PRCD: variants seen among roughly 807,000 people sequenced by gnomAD.
The protein encoded by PRCD is photoreceptor disk component PRCD.
In PRCD, 12 loss-of-function variants were observed where a neutral mutation model predicts 10.1. That is an observed-to-expected ratio of 1.18 (90% confidence interval 0.76 to 1.92). The LOEUF (loss-of-function observed/expected upper bound fraction) is 1.92, where lower values mean the gene tolerates loss of function less well. Ranked by LOEUF, PRCD falls within the 40% of genes most tolerant of loss-of-function variation. The probability of loss-of-function intolerance (pLI) is 0.00; values close to 1 mark genes in which losing one functional copy is unlikely to be tolerated. For synonymous variants in PRCD, 31 were observed against 26.2 expected, an observed-to-expected ratio of 1.18 and a Z score of -0.56; for missense variants, 61 against 72.2, an observed-to-expected ratio of 0.84 and a Z score of 0.56.
In PRCD at chr17:76,530,149, G is replaced by A. The variant is rs978843702; in HGVS notation, n.45+2316G>A. 132 of 944,648 alleles carry A rather than the reference G, an allele frequency of 1.4e-4. No individual in the cohort carries two copies. Among genetic ancestry groups the A allele is most frequent in the Non-Finnish European group, 1.6e-4 (125 of 792,772 alleles). The allele number at this position is 944,648 out of a possible 1,614,324, so 58.5% of individuals were successfully genotyped here. A position where few individuals can be genotyped will look rare whatever the true frequency, so the allele number is the denominator to read the frequency against. On this transcript the variant is annotated intron_variant and non_coding_transcript_variant, in intron 1 of 4. Transcript: ENST00000397633. The surrounding 1 kb of genome is among the most constrained non-coding windows in gnomAD (Gnocchi z 6.1). ...AATGTTTCTCTACCACGCGTGTCCC[G>A]GGCTGCTGGCTGACCTCTGCTTCCC...
intron 1 of PRCD, among the ~76,000 whole-genome samples, chr17:76,532,780 G>C (rs531036520): frequency 6.6e-6 from 1 of 151,724 alleles, no homozygotes; most frequent in Non-Finnish European, 1.5e-5. Context: ...CAGGCGATCC[G>C]CCTGCCTCAG....
At position 76,531,499 on chromosome 17, in the gene PRCD, G is replaced by A. The variant is rs1266724535; in HGVS notation, n.45+3666G>A. 6.2e-7 allele frequency: 1 copy of A among 1,613,278 alleles called. No homozygotes were observed. Among genetic ancestry groups the A allele is most frequent in the Non-Finnish European group, 8.5e-7 (1 of 1,179,238 alleles). On this transcript the variant is annotated intron_variant and non_coding_transcript_variant, in intron 1 of 4. Transcript: ENST00000397633. The surrounding 1 kb of genome is among the most constrained non-coding windows in gnomAD (Gnocchi z 7.4). ...GTTCCACCTTGTGCTTGAGGGCGTG[G>A]GCTTTCCCCACAAGGGCGAGCACAG... is the stretch of plus-strand genomic sequence containing the variant.
chr17:76,532,530 C>CT (rs111936272), intron 1 of PRCD, among the ~76,000 whole-genome samples: 20,167 of 125,698 alleles, frequency 0.16, 2,260 homozygotes, highest in East Asian at 0.31. Context: ...ATGACAATGG[C>CT]TTTTTTTTTT....
chr17:76,531,116 C>T lies in PRCD; in HGVS notation n.45+3283C>T. 6.2e-7 allele frequency: 1 copy of T among 1,613,802 alleles called. No individual in the cohort carries two copies. Among genetic ancestry groups the T allele is most frequent in the South Asian group, 1.1e-5 (1 of 91,088 alleles). ...AGTCACTGGCAAATTCCTCGGCGACCACCTCCAGAATGACCCCAGAGAGGA... is the reference window on the plus strand; with the variant it reads ...AGTCACTGGCAAATTCCTCGGCGACTACCTCCAGAATGACCCCAGAGAGGA... On this transcript the variant is annotated intron_variant and non_coding_transcript_variant, in intron 1 of 4. Coordinates refer to the PRCD transcript ENST00000397633. The surrounding 1 kb of genome is among the most constrained non-coding windows in gnomAD (Gnocchi z 7.4).
exon 2 of PRCD, chr17:76,553,491 T>C (rs1283072737): frequency 6.6e-6 from 1 of 152,382 alleles, no homozygotes; most frequent in Non-Finnish European, 1.5e-5. Context: ...CCGTTCCAAA[T>C]GTAAGCAGTT....
chr17:76,546,811 A>G (rs1320187971), downstream of PRCD: 3 of 152,190 alleles, frequency 2.0e-5, no homozygotes, highest in African/African-American at 7.2e-5. The surrounding 1 kb of genome is among the most constrained non-coding windows in gnomAD (Gnocchi z 4.5). Flanking sequence ...GCTGTATTTT[A>G]CGCACTGTTT....
At chr17:76,529,552 C>T (rs2074809808) in intron 1 of PRCD, 2 of 985,100 alleles carry the variant, frequency 2.0e-6, no homozygotes, top group South Asian at 9.4e-5. Context: ...TCTCTTGGCC[C>T]TTGTAAAAAA....
At position 76,533,700 on chromosome 17, in the gene PRCD, G is replaced by A. The variant is rs1270517385; in HGVS notation, n.45+5867G>A. 6.6e-6 allele frequency among the ~76,000 whole-genome samples: 1 copy of A among 152,058 alleles called. No individual in the cohort carries two copies. Among genetic ancestry groups the A allele is most frequent in the Admixed American group, 6.6e-5 (1 of 15,260 alleles). On this transcript the variant is annotated intron_variant and non_coding_transcript_variant, in intron 1 of 4. Coordinates refer to the PRCD transcript ENST00000397633. The surrounding 1 kb of genome is among the most constrained non-coding windows in gnomAD (Gnocchi z 4.5). Reference sequence around the variant, plus strand: ...ATTGTGCCATTGCACTCCAGCCTGGGTGACAGAGTGAGACCCTGAATCCAA... The same window carrying A: ...ATTGTGCCATTGCACTCCAGCCTGGATGACAGAGTGAGACCCTGAATCCAA...
rs777938956 is a variant in PRCD, at chr17:76,540,115, C to G, written c.-27C>G. 1 of 1,589,012 alleles carries G rather than the reference C, an allele frequency of 6.3e-7. No individual in the cohort carries two copies. The highest frequency in any genetic ancestry group is 1.8e-5 in the Admixed American group (1 of 56,304). ...CGCCTGTGGCCTTCTGCAGACTTGG[C>G]CTGGGAGGGGATGGGGCAGCTGCGC... On this transcript the variant is annotated 5_prime_UTR_variant, in exon 1 of 5. Transcript: ENST00000592014. The surrounding 1 kb of genome is among the most constrained non-coding windows in gnomAD (Gnocchi z 5.0).
downstream of PRCD, chr17:76,549,870 A>G (rs947077387): frequency 2.6e-5 from 4 of 152,278 alleles, no homozygotes; most frequent in Non-Finnish European, 5.9e-5. Flanking sequence ...TGATAGTGAC[A>G]GAAGGCATCA....
upstream of PRCD, among the ~76,000 whole-genome samples, chr17:76,535,781 G>A (rs1472653583): frequency 6.6e-6 from 1 of 152,208 alleles, no homozygotes; most frequent in Non-Finnish European, 1.5e-5. Context: ...CCCTACCCTG[G>A]TCCCCTTCCT....
chr17:76,530,967 C>T lies in PRCD; in HGVS notation n.45+3134C>T. ...GGGAGGCTGCCCAGCCCACCCTCGCCCGCCTCCTCACGTGGTGGCGTTGGG... is the reference window on the plus strand; with the variant it reads ...GGGAGGCTGCCCAGCCCACCCTCGCTCGCCTCCTCACGTGGTGGCGTTGGG... On this transcript the variant is annotated intron_variant and non_coding_transcript_variant, in intron 1 of 4. Transcript: ENST00000397633. The surrounding 1 kb of genome is among the most constrained non-coding windows in gnomAD (Gnocchi z 6.1). The T allele has an allele frequency of 6.4e-7, 1 of 1,574,142 alleles. No homozygotes were observed. The highest frequency in any genetic ancestry group is 8.6e-7 in the Non-Finnish European group (1 of 1,158,242).
chr17:76,548,119 TCA>T (rs778511751), downstream of PRCD, among the ~76,000 whole-genome samples: 5 of 149,924 alleles, frequency 3.3e-5, no homozygotes, highest in East Asian at 2.0e-4. Context: ...ACACACATAA[TCA>T]CAGATACACA....
intron 1 of PRCD, among the ~76,000 whole-genome samples, chr17:76,532,309 G>A (rs2074854524): frequency 1.3e-5 from 2 of 152,082 alleles, no homozygotes; most frequent in African/African-American, 4.8e-5. Flanking sequence ...AATGTTCCTC[G>A]GGTGAGCCAC....
In PRCD at chr17:76,528,542, G is replaced by A. The variant is rs1454095104; in HGVS notation, n.45+709G>A. On this transcript the variant is annotated intron_variant and non_coding_transcript_variant, in intron 1 of 4. Transcript: ENST00000397633. This position sits in a 1 kb window ranked among gnomAD's most constrained non-coding sequence, Gnocchi z 5.8. ...GTCTTCAGAACTCGGCCTTCTGCTC[G>A]AGGTGCTGCCAGGGAGGGGGGTGGA... The A allele has an allele frequency of 5.4e-6, 7 of 1,287,720 alleles. No individual in the cohort carries two copies. Among genetic ancestry groups the A allele is most frequent in the African/African-American group, 1.5e-5 (1 of 65,072 alleles). The allele number at this position is 1,287,720 out of a possible 1,614,324, so 79.8% of individuals were successfully genotyped here.
upstream of PRCD, chr17:76,537,606 G>T: frequency 9.5e-7 from 1 of 1,049,846 alleles, no homozygotes. Context: ...GGGGCGCGGG[G>T]CGCGGGGCGC....
At position 76,531,357 on chromosome 17, in the gene PRCD, G is replaced by T. The variant is rs1598202713; in HGVS notation, n.45+3524G>T. 1.8e-5 allele frequency: 26 copies of T among 1,418,072 alleles called. No homozygotes were observed. In the East Asian group the frequency reaches 5.7e-4, roughly 31 times the overall value. The allele number at this position is 1,418,072 out of a possible 1,614,324, so 87.8% of individuals were successfully genotyped here. A position where few individuals can be genotyped will look rare whatever the true frequency, so the allele number is the denominator to read the frequency against. Reference sequence around the variant, plus strand: ...GCCCCTCCCTCTCGCAGCCACTCCGGGGATCACCTCTGTTGCTCCAGAGAG... The same window carrying T: ...GCCCCTCCCTCTCGCAGCCACTCCGTGGATCACCTCTGTTGCTCCAGAGAG... On this transcript the variant is annotated intron_variant and non_coding_transcript_variant, in intron 1 of 4. Transcript: ENST00000397633. This position sits in a 1 kb window ranked among gnomAD's most constrained non-coding sequence, Gnocchi z 7.4.
Position 76,528,925 on chromosome 17 carries a change from C to T in PRCD, n.45+1092C>T. On this transcript the variant is annotated intron_variant and non_coding_transcript_variant, in intron 1 of 4. Coordinates refer to the PRCD transcript ENST00000397633. This position sits in a 1 kb window ranked among gnomAD's most constrained non-coding sequence, Gnocchi z 5.8. Reference sequence around the variant, plus strand: ...CTGCAAAGCACGATACCAATGTGAGCTCTTTTTCCATTAATTCTGAAACGT... The same window carrying T: ...CTGCAAAGCACGATACCAATGTGAGTTCTTTTTCCATTAATTCTGAAACGT... The T allele has an allele frequency of 2.6e-6, 3 of 1,158,228 alleles. No homozygotes were observed. Among genetic ancestry groups the T allele is most frequent in the Non-Finnish European group, 3.2e-6 (3 of 941,842 alleles). 71.7% of individuals were successfully genotyped at this position (1,158,228 alleles called of 1,614,324 possible).
At chr17:76,537,589 G>T, upstream of PRCD, 2 of 1,048,284 alleles carry the variant, frequency 1.9e-6, no homozygotes, top group African/African-American at 1.7e-5. Context: ...CGGCGGTGGC[G>T]GGGCGCGGGG....
Sources: gnomAD v4.1 joint callset for allele counts (sites outside exome capture counted in the v4.1 genomes callset) on GRCh38, gnomAD v4.1.1 for gene constraint, Gnocchi (gnomAD v3.1) non-coding constraint, MANE v1.5 for transcripts, NCBI Gene and HGNC (gene_info 2026-07-23, HGNC 2026-07-21) for gene names.